The following MRI1 variants were observed in gnomAD, a reference collection of about 807,000 sequenced individuals.
MRI1 encodes the protein methylthioribose-1-phosphate isomerase 1, also known as methylthioribose-1-phosphate isomerase.
MRI1 carries 32 observed loss-of-function variants against 27.3 expected under a neutral mutation model. The ratio of observed to expected loss-of-function variants is 1.17; its 90% CI spans 0.88 to 1.57. MRI1 has a LOEUF of 1.57. Among genes scored for constraint, MRI1 ranks in the 40% most tolerant of loss-of-function variants. The pLI is 0.00. For missense variants in MRI1, 508 were observed against 516.1 expected (o/e 0.98, Z 0.15); for synonymous variants, 216 against 227.4 (o/e 0.95, Z 0.45).
intron 3 of MRI1, among the ~76,000 whole-genome samples, chr19:13,768,159 C>T (rs1014101310): frequency 5.3e-5 from 8 of 152,082 alleles, no homozygotes; most frequent in Non-Finnish European, 1.0e-4. Flanking sequence ...TGAGCCACCA[C>T]GCCCAGCCCA....
chr19:13,770,143 C>CGTTAGCAA (rs1974239625), intron 5 of MRI1, among the ~76,000 whole-genome samples: 1 of 152,048 alleles, frequency 6.6e-6, no homozygotes. Context: ...GCTGTGCAAC[C>CGTTAGCAA]GTTAGCAAGT....
intron 5 of MRI1, among the ~76,000 whole-genome samples, chr19:13,769,524 A>G (rs552454806): frequency 2.0e-5 from 3 of 152,246 alleles, no homozygotes; most frequent in African/African-American, 7.2e-5. Context: ...GGAATTTACA[A>G]CTAACCGGTT....
chr19:13,768,505 AC>A (rs1248902773), intron 3 of MRI1, 55 bp from the exon 4 acceptor site: 6 of 1,592,646 alleles, frequency 3.8e-6, no homozygotes, highest in Non-Finnish European at 5.1e-6. Context: ...CCAATGGACC[AC>A]CCTGTCTGTT....
At chr19:13,766,498 C>T (rs1344662311) in intron 3 of MRI1, among the ~76,000 whole-genome samples, 1 of 152,132 alleles carries the variant, frequency 6.6e-6, no homozygotes, top group African/African-American at 2.4e-5. Flanking sequence ...CGATGGGCCC[C>T]GCCTGAGCCA....
rs377020586 is a variant in MRI1, at chr19:13,764,580, T to A, written c.-9T>A. ...CCCTCTGAGTTGCGCTGGGCTTGGC[T>A]GCTGCACCATGACCCTGGAGGCGAT... On this transcript the variant is annotated 5_prime_UTR_variant, in exon 1 of 6. Coordinates refer to ENST00000040663, the MANE Select transcript of MRI1 (RefSeq NM_001031727.4). 125 of 1,606,846 alleles carry A rather than the reference T, an allele frequency of 7.8e-5. No homozygotes were observed. The highest frequency in any genetic ancestry group is 9.6e-5 in the Non-Finnish European group (113 of 1,177,900).
Position 13,764,561 on chromosome 19 carries a change from G to A in MRI1, c.-28G>A, listed in dbSNP as rs1974061058. The A allele has an allele frequency of 5.0e-6, 8 of 1,601,862 alleles. No homozygotes were observed. The highest frequency in any genetic ancestry group is 2.2e-5 in the East Asian group (1 of 44,654). On this transcript the variant is annotated 5_prime_UTR_variant, in exon 1 of 6. Transcript: ENST00000040663. ...TGCGCGCGGACCCCTAGCTCCCTCT[G>A]AGTTGCGCTGGGCTTGGCTGCTGCA...
rs746245101 is a variant in MRI1 at position 13,766,138 on chromosome 19, GC to G, written c.547+11del. On this transcript the variant is annotated intron_variant, in intron 3 of 5. Transcript: ENST00000040663. ...CTATGGTACAGCCCTAGGTGAGAGG[GC>G]CTCCTCAGGGGGTAGGGGAGGGCCT... The G allele has an allele frequency of 6.5e-7, 1 of 1,530,940 alleles. No individual in the cohort carries two copies. The highest frequency in any genetic ancestry group is 2.1e-5 in the Admixed American group (1 of 46,694). The allele number at this position is 1,530,940 out of a possible 1,614,324, so 94.8% of individuals were successfully genotyped here.
At position 13,768,679 on chromosome 19, in the gene MRI1, C is replaced by T. The variant is rs551575417; in HGVS notation, c.666C>T (p.Pro222=). 5.0e-6 allele frequency: 8 copies of T among 1,613,998 alleles called. No individual in the cohort carries two copies. The highest frequency in any genetic ancestry group is 4.5e-5 in the East Asian group (2 of 44,888). Residue 222 remains proline, a synonymous_variant, in exon 4 of 6, where the codon CCC becomes CCT. Transcript: ENST00000040663. The part of the protein sequence containing the change: ...TAFELVYEQI[P]ATLITDSMVA... ...TTGAGCTGGTCTATGAGCAGATCCC[C>T]GCCACCCTTATCACCGACAGCATGG...
intron 5 of MRI1, among the ~76,000 whole-genome samples, chr19:13,770,295 G>T (rs1194170937): frequency 6.6e-6 from 1 of 152,160 alleles, no homozygotes; most frequent in African/African-American, 2.4e-5. Context: ...CCTTTAAATA[G>T]TTCATGCACT....
Position 13,773,430 on chromosome 19 carries a change from C to T in MRI1, c.*1149C>T, listed in dbSNP as rs920062595. 1 of 151,918 alleles carries T rather than the reference C, an allele frequency of 6.6e-6. No homozygotes were observed. The highest frequency in any genetic ancestry group is 2.4e-5 in the African/African-American group (1 of 41,372). 9.4% of individuals were successfully genotyped at this position (151,918 alleles called of 1,614,324 possible). A position where few individuals can be genotyped will look rare whatever the true frequency, so the allele number is the denominator to read the frequency against. On this transcript the variant is annotated 3_prime_UTR_variant, in exon 6 of 6. Transcript: ENST00000040663. ...TCCCTTGAGCCCAGGTGTTTGAGAC[C>T]AGTTTGGGTAACATAGGAAGAGCTT... is the stretch of plus-strand genomic sequence containing the variant.
At position 13,774,177 on chromosome 19, in the gene MRI1, G is replaced by T; in HGVS notation, c.*1896G>T. ...TTCTTAAATTCTGTACCAGAGGTGA[G>T]TGCCACACCCTAACCTAGTCTGAGT... On this transcript the variant is annotated 3_prime_UTR_variant, in exon 6 of 6. Transcript: ENST00000040663. 3.1e-6 allele frequency: 1 copy of T among 322,090 alleles called. No individual in the cohort carries two copies. The highest frequency in any genetic ancestry group is 5.7e-6 in the Non-Finnish European group (1 of 175,490). The allele number at this position is 322,090 out of a possible 1,614,324, so 20.0% of individuals were successfully genotyped here.
Position 13,765,166 on chromosome 19 carries a change from A to C in MRI1, c.371+57A>C, listed in dbSNP as rs545242069. ...AGCAGGAATTATATTGACTCTTTTT[A>C]AGTACAGTGACCCACTATACAGATG... is the stretch of plus-strand genomic sequence containing the variant. On this transcript the variant is annotated intron_variant, in intron 2 of 5. Coordinates refer to ENST00000040663, the MANE Select transcript of MRI1 (RefSeq NM_001031727.4). 6 of 1,350,926 alleles carry C rather than the reference A, an allele frequency of 4.4e-6. No individual in the cohort carries two copies. In the South Asian group the frequency reaches 7.4e-5, roughly 17 times the overall value. The allele number at this position is 1,350,926 out of a possible 1,614,324, so 83.7% of individuals were successfully genotyped here. A position where few individuals can be genotyped will look rare whatever the true frequency, so the allele number is the denominator to read the frequency against.
At chr19:13,766,311 C>A (rs572244921) in intron 3 of MRI1, among the ~76,000 whole-genome samples, 182 bp downstream of exon 3, 7 of 152,350 alleles carry the variant, frequency 4.6e-5, no homozygotes, top group Non-Finnish European at 1.0e-4. Context: ...CAACCAGTAG[C>A]ATCAGGACCT....
intron 3 of MRI1, among the ~76,000 whole-genome samples, chr19:13,767,000 C>T (rs1227383768): frequency 6.7e-5 from 8 of 119,938 alleles, no homozygotes; most frequent in Non-Finnish European, 1.4e-4. Flanking sequence ...ATGACCTATG[C>T]ACATCCACAT....
At chr19:13,772,062 C>A in intron 5 of MRI1, 59 bp from the exon 6 acceptor site, 1 of 1,510,376 alleles carries the variant, frequency 6.6e-7, no homozygotes, top group Non-Finnish European at 9.0e-7. Flanking sequence ...ATGACTACAA[C>A]CTGAGAACTT....
chr19:13,769,927 A>T (rs1441017414), intron 5 of MRI1, among the ~76,000 whole-genome samples: 1 of 152,026 alleles, frequency 6.6e-6, no homozygotes, highest in African/African-American at 2.4e-5. Context: ...CTCAAAAAAA[A>T]AAAAGAAAAG....
chr19:13,766,893 C>T (rs1974135825), intron 3 of MRI1, among the ~76,000 whole-genome samples: 1 of 151,220 alleles, frequency 6.6e-6, no homozygotes, highest in Admixed American at 6.6e-5. Flanking sequence ...GTACAGTCAT[C>T]CTTCAATATC....
rs746270000 is a variant in MRI1, at chr19:13,764,598, G to T, written c.10G>T (p.Glu4Ter). MTL[E>*]AIRYSRGSLQ... is the part of the protein sequence containing the mutation. ...GCTTGGCTGCTGCACCATGACCCTG[G>T]AGGCGATCCGCTACTCGCGGGGCTC... Residue 4 changes from glutamate to a stop codon, truncating the protein, a stop_gained, in exon 1 of 6, where the codon GAG (glutamate) becomes TAG (stop). Transcript: ENST00000040663. LOFTEE classifies it high-confidence loss of function. 2 of 1,609,178 alleles carry T rather than the reference G, an allele frequency of 1.2e-6. No individual in the cohort carries two copies. Among genetic ancestry groups the T allele is most frequent in the Non-Finnish European group, 1.7e-6 (2 of 1,179,066 alleles).
chr19:13,765,860 G>A (rs933370227), intron 2 of MRI1, 94 bp from the exon 3 acceptor site: 3 of 1,382,616 alleles, frequency 2.2e-6, no homozygotes, highest in East Asian at 4.7e-5. Flanking sequence ...CTTTGAGCAG[G>A]AGGGCTCCAG....
Sources: gnomAD v4.1 joint callset for allele counts (sites outside exome capture counted in the v4.1 genomes callset) on GRCh38, gnomAD v4.1.1 for gene constraint, MANE v1.5 for transcripts, NCBI Gene and HGNC (gene_info 2026-07-23, HGNC 2026-07-21) for gene names.